SYT2: variants seen among roughly 807,000 people sequenced by gnomAD.
The protein encoded by SYT2 is synaptotagmin 2.
Under a neutral mutation model 39.9 loss-of-function variants are expected in SYT2, and 15 were observed. The observed-to-expected ratio is 0.38, with a 90% CI of 0.25 to 0.58. The LOEUF is 0.58. Ranked by LOEUF, SYT2 falls within the 20% of genes least tolerant of loss-of-function variation. The pLI is 0.70. For synonymous variants in SYT2, 181 were observed against 204.5 expected, an observed-to-expected ratio of 0.89 and a Z score of 0.98; for missense variants, 389 against 530.3, an observed-to-expected ratio of 0.73 and a Z score of 2.62.
chr1:202,609,000 T>C (rs1690798642), intron 1 of SYT2, among the ~76,000 whole-genome samples: 1 of 150,592 alleles, frequency 6.6e-6, no homozygotes, highest in African/African-American at 2.4e-5. Context: ...TAACATTAGG[T>C]ATATCTCCTA....
chr1:202,660,742 C>T (rs1373231707), intron 1 of SYT2, among the ~76,000 whole-genome samples: 1 of 152,118 alleles, frequency 6.6e-6, no homozygotes, highest in African/African-American at 2.4e-5. Flanking sequence ...TTCAGCCTCC[C>T]AAAGTGGTGG....
intron 1 of SYT2, among the ~76,000 whole-genome samples, chr1:202,708,789 G>A (rs1572691795): frequency 6.6e-6 from 1 of 152,184 alleles, no homozygotes. Context: ...CCTGCCACTC[G>A]GGCCCGCCTT....
At chr1:202,698,117 C>A (rs201617538) in intron 1 of SYT2, among the ~76,000 whole-genome samples, 3 of 151,926 alleles carry the variant, frequency 2.0e-5, no homozygotes, top group Non-Finnish European at 2.9e-5. Flanking sequence ...TCACCACCCC[C>A]CCAAGGAAAG....
chr1:202,663,237 G>A (rs1354594623), intron 1 of SYT2, among the ~76,000 whole-genome samples: 2 of 152,206 alleles, frequency 1.3e-5, no homozygotes, highest in African/African-American at 4.8e-5. Context: ...GGAGAACCAA[G>A]GGATGCGGAG....
chr1:202,664,316 C>T (rs905886807), intron 1 of SYT2, among the ~76,000 whole-genome samples: 27 of 152,178 alleles, frequency 1.8e-4, no homozygotes, highest in African/African-American at 6.3e-4. Flanking sequence ...TTCCTGCATG[C>T]ACACAACAGC....
chr1:202,698,341 G>C (rs1177665817), intron 1 of SYT2, among the ~76,000 whole-genome samples: 1 of 152,118 alleles, frequency 6.6e-6, no homozygotes, highest in African/African-American at 2.4e-5. Flanking sequence ...GCCCGCTGAA[G>C]AGCAGAGAGA....
chr1:202,636,450 A>G (rs1296308905), intron 1 of SYT2: 2 of 956,396 alleles, frequency 2.1e-6, no homozygotes, highest in African/African-American at 3.5e-5. Flanking sequence ...CGTCTGCCTC[A>G]TTTGATCCCA....
chr1:202,686,295 G>A (rs1196829744), intron 1 of SYT2, among the ~76,000 whole-genome samples: 8 of 152,124 alleles, frequency 5.3e-5, no homozygotes, highest in African/African-American at 1.2e-4. Context: ...TTACCCAGCC[G>A]CAGATATTTC....
chr1:202,606,630 C>T (rs747583514), intron 1 of SYT2, among the ~76,000 whole-genome samples: 1 of 152,144 alleles, frequency 6.6e-6, no homozygotes, highest in African/African-American at 2.4e-5. Context: ...CATCTCTAGC[C>T]CTTCCTCCCC....
At chr1:202,641,718 T>A (rs574780057) in intron 1 of SYT2, among the ~76,000 whole-genome samples, 10 of 152,314 alleles carry the variant, frequency 6.6e-5, no homozygotes, top group African/African-American at 2.4e-4. Context: ...ATCTTCCTTA[T>A]CTGAGATGAA....
chr1:202,683,455 C>T (rs1653576383), intron 1 of SYT2, among the ~76,000 whole-genome samples: 1 of 152,178 alleles, frequency 6.6e-6, no homozygotes, highest in Non-Finnish European at 1.5e-5. Context: ...AGAGTGTATA[C>T]TGGCGAATGT....
intron 1 of SYT2, among the ~76,000 whole-genome samples, chr1:202,624,320 TA>T (rs550896195): frequency 1.0e-4 from 15 of 145,128 alleles, no homozygotes; most frequent in South Asian, 4.4e-4. Context: ...TGGTGTGGGT[TA>T]GGGGTGGAGG....
At chr1:202,683,408 T>G (rs1465417638) in intron 1 of SYT2, among the ~76,000 whole-genome samples, 1 of 152,146 alleles carries the variant, frequency 6.6e-6, no homozygotes, top group Non-Finnish European at 1.5e-5. Flanking sequence ...AGGGTGCATT[T>G]CACAAACATC....
At chr1:202,649,752 T>G (rs1692157724) in intron 1 of SYT2, among the ~76,000 whole-genome samples, 1 of 152,222 alleles carries the variant, frequency 6.6e-6, no homozygotes, top group South Asian at 2.1e-4. Context: ...ATGAAACTGG[T>G]GTTTGTCCCC....
chr1:202,612,778 T>C (rs548421951), intron 1 of SYT2, among the ~76,000 whole-genome samples: 33 of 152,338 alleles, frequency 2.2e-4, no homozygotes, highest in African/African-American at 7.7e-4. Flanking sequence ...TTGATAGGCA[T>C]TGTGTTGAAT....
intron 1 of SYT2, among the ~76,000 whole-genome samples, chr1:202,659,505 T>C (rs1385957098): frequency 6.6e-6 from 1 of 152,112 alleles, no homozygotes; most frequent in Non-Finnish European, 1.5e-5. Context: ...AGAAGTGTGG[T>C]CAGGCTGGCA....
chr1:202,640,780 GAGAGAGAGAGAGAC>G (rs1558443910), intron 1 of SYT2, among the ~76,000 whole-genome samples: 55 of 135,008 alleles, frequency 4.1e-4, no homozygotes, highest in Middle Eastern at 3.7e-3. Context: ...GAGAGAGAGA[GAGAGAGAGAGAGAC>G]AGACAGACAG....
intron 1 of SYT2, among the ~76,000 whole-genome samples, chr1:202,681,280 C>T (rs1191245946): frequency 1.3e-5 from 2 of 152,164 alleles, no homozygotes; most frequent in Admixed American, 1.3e-4. Flanking sequence ...TCCATCCAAA[C>T]TGCCCCAGAG....
chr1:202,706,670 C>T (rs748907670), intron 1 of SYT2, among the ~76,000 whole-genome samples: 1 of 152,176 alleles, frequency 6.6e-6, no homozygotes, highest in Non-Finnish European at 1.5e-5. Flanking sequence ...GATGTTTCTC[C>T]AATGAAACTA....
Sources: gnomAD v4.1 joint callset for allele counts (sites outside exome capture counted in the v4.1 genomes callset) on GRCh38, gnomAD v4.1.1 for gene constraint, MANE v1.5 for transcripts, NCBI Gene and HGNC (gene_info 2026-07-23, HGNC 2026-07-21) for gene names.